Variants in FLNB observed in about 807,000 individuals in gnomAD.
The protein encoded by FLNB is filamin B.
FLNB carries 111 observed loss-of-function variants against 250.6 expected under a neutral mutation model. That is an observed-to-expected ratio of 0.44 (90% CI 0.38 to 0.52). The LOEUF (loss-of-function observed/expected upper bound fraction) is 0.52, where lower values mean the gene tolerates loss of function less well. FLNB is among the 20% of genes least tolerant of loss of function. The pLI is 0.00. For synonymous variants in FLNB, 1,302 were observed against 1,372.1 expected, an observed-to-expected ratio of 0.95 and a Z score of 1.13; for missense variants, 2,869 against 3,447.8, an observed-to-expected ratio of 0.83 and a Z score of 4.20.
chr3:58,125,532 A>T (rs765688878), intron 22 of FLNB, 49 bp from the exon 23 acceptor site: 1 of 1,598,536 alleles, frequency 6.3e-7, no homozygotes, highest in Non-Finnish European at 8.6e-7. Context: ...TTTTTCACAA[A>T]TAGGGGATTT....
chr3:58,119,338 A>G (rs1438540667), intron 19 of FLNB, among the ~76,000 whole-genome samples: 1 of 152,218 alleles, frequency 6.6e-6, no homozygotes, highest in East Asian at 1.9e-4. Context: ...TTCATTAAAA[A>G]GAGAATTTGG....
intron 34 of FLNB, among the ~76,000 whole-genome samples, chr3:58,147,311 G>A (rs2097337318): frequency 6.6e-6 from 1 of 152,250 alleles, no homozygotes; most frequent in South Asian, 2.1e-4. Flanking sequence ...TGAAGTGCAT[G>A]AGCTTAGACA....
intron 34 of FLNB, 146 bp from the exon 35 acceptor site, chr3:58,148,060 T>C (rs1242254305): frequency 2.6e-6 from 2 of 781,392 alleles, no homozygotes; most frequent in Admixed American, 4.1e-5. Flanking sequence ...TTGGGTCTAC[T>C]CAGTGTTCAA....
Position 58,017,247 on chromosome 3 carries a change from C to A in FLNB, c.292+8391C>A, listed in dbSNP as rs2097106964. The stretch of plus-strand genomic sequence containing the variant: ...TAGTATCACAATTTATTATTCTATT[C>A]TATTTTTATTATTATTTTTTGAGAT... On this transcript the variant is annotated intron_variant, in intron 1 of 45. Coordinates refer to ENST00000295956, the MANE Select transcript of FLNB (RefSeq NM_001457.4). 2.6e-5 allele frequency among the ~76,000 whole-genome samples: 4 copies of A among 151,970 alleles called. No individual in the cohort carries two copies. In the South Asian group the frequency reaches 8.3e-4, roughly 32 times the overall value.
At chr3:58,027,573 C>A (rs896906047) in intron 1 of FLNB, among the ~76,000 whole-genome samples, 3 of 152,100 alleles carry the variant, frequency 2.0e-5, no homozygotes, top group African/African-American at 4.8e-5. Context: ...TGAGCCACCG[C>A]GCCTGGCCCA....
chr3:58,139,874 C>A (rs892632223), intron 29 of FLNB, among the ~76,000 whole-genome samples: 3 of 152,046 alleles, frequency 2.0e-5, no homozygotes, highest in African/African-American at 7.3e-5. Flanking sequence ...TAAGAGAAGA[C>A]CATATTGGGA....
chr3:58,089,615 C>T (rs2097222935), intron 4 of FLNB, among the ~76,000 whole-genome samples: 1 of 150,536 alleles, frequency 6.6e-6, no homozygotes, highest in Non-Finnish European at 1.5e-5. Flanking sequence ...AATTAAAAAT[C>T]TCAACAAAGA....
intron 1 of FLNB, among the ~76,000 whole-genome samples, chr3:58,028,821 G>C (rs893901815): frequency 6.6e-6 from 1 of 151,428 alleles, no homozygotes; most frequent in Non-Finnish European, 1.5e-5. Context: ...TCACCATGTC[G>C]ATCAGGCTGG....
chr3:58,033,764 G>C (rs2097134206), intron 1 of FLNB, among the ~76,000 whole-genome samples: 1 of 152,176 alleles, frequency 6.6e-6, no homozygotes, highest in Admixed American at 6.5e-5. Context: ...TGTGTCAATA[G>C]TCCTATTCCT....
intron 10 of FLNB, 113 bp downstream of exon 10, chr3:58,104,198 C>T: frequency 6.8e-5 from 45 of 666,194 alleles, no homozygotes; most frequent in Non-Finnish European, 9.0e-5. Flanking sequence ...TTGTTGAAAA[C>T]TTTTTTTTTT....
intron 19 of FLNB, among the ~76,000 whole-genome samples, chr3:58,120,582 G>A (rs543323935): frequency 6.6e-6 from 1 of 152,292 alleles, no homozygotes; most frequent in Admixed American, 6.5e-5. Flanking sequence ...AACCATCACG[G>A]TACAGTCAGT....
chr3:58,135,854 T>A, intron 27 of FLNB, 125 bp from the exon 28 acceptor site: 1 of 986,474 alleles, frequency 1.0e-6, no homozygotes, highest in Non-Finnish European at 1.5e-6. Context: ...AAAACTAGAT[T>A]GTATTAAGCC....
chr3:58,150,048 G>A (rs1487072227), intron 37 of FLNB, 46 bp downstream of exon 37: 3 of 1,614,280 alleles, frequency 1.9e-6, no homozygotes, highest in East Asian at 2.2e-5. Flanking sequence ...TGGGTTTTCT[G>A]TAAATGCTGT....
rs1325946538 is a variant in FLNB, at chr3:58,102,348, T to C, written c.1483+8T>C. The C allele has an allele frequency of 1.2e-6, 2 of 1,614,128 alleles. No homozygotes were observed. Among genetic ancestry groups the C allele is most frequent in the South Asian group, 2.2e-5 (2 of 91,080 alleles). ...TAACCATGAAGGGTCCTAGTAAGTG[T>C]TCCTTTGTTTCTCTATCTCAGGTGT... On this transcript the variant is annotated splice_region_variant and intron_variant, in intron 9 of 45. Coordinates refer to ENST00000295956, the MANE Select transcript of FLNB (RefSeq NM_001457.4).
At chr3:58,145,346 A>G (rs1275776472) in intron 32 of FLNB, among the ~76,000 whole-genome samples, 8 of 152,240 alleles carry the variant, frequency 5.3e-5, no homozygotes, top group Non-Finnish European at 7.3e-5. Flanking sequence ...AAGTCAGTAA[A>G]CATGGGTCTT....
At chr3:58,098,367 A>G (rs551077465) in intron 7 of FLNB, among the ~76,000 whole-genome samples, 1 of 152,248 alleles carries the variant, frequency 6.6e-6, no homozygotes, top group Non-Finnish European at 1.5e-5. Flanking sequence ...GAATCACTCT[A>G]TTGCCCAGAC....
chr3:58,057,441 C>T (rs1464157392), intron 1 of FLNB, among the ~76,000 whole-genome samples: 2 of 152,182 alleles, frequency 1.3e-5, no homozygotes, highest in African/African-American at 4.8e-5. Context: ...TTGTTGGTTC[C>T]TGAGATGGAG....
intron 10 of FLNB, 59 bp from the exon 11 acceptor site, chr3:58,105,021 G>A (rs2097257369): frequency 1.9e-6 from 3 of 1,609,086 alleles, no homozygotes; most frequent in African/African-American, 2.7e-5. Flanking sequence ...GCAGCTTATG[G>A]CTATAGTGAC....
chr3:58,163,738 A>ACT, intron 43 of FLNB: 1 of 220,332 alleles, frequency 4.5e-6, no homozygotes, highest in Non-Finnish European at 9.1e-6. Flanking sequence ...CCAGGCTCCC[A>ACT]GAAATGCACT....
Sources: allele counts gnomAD v4.1 joint callset (sites outside exome capture counted in the v4.1 genomes callset), GRCh38; gene constraint gnomAD v4.1.1; transcripts MANE v1.5; gene names NCBI Gene and HGNC (gene_info 2026-07-23, HGNC 2026-07-21).